PLCE1: variants seen among roughly 807,000 people sequenced by gnomAD.
The protein encoded by PLCE1 is 1-phosphatidylinositol 4,5-bisphosphate phosphodiesterase epsilon-1.
Under a neutral mutation model 242.8 loss-of-function variants are expected in PLCE1, and 119 were observed. The ratio of observed to expected loss-of-function variants is 0.49; its 90% CI spans 0.42 to 0.57. PLCE1 has a LOEUF of 0.57. Among genes scored for constraint, PLCE1 ranks in the 20% least tolerant of loss-of-function variants. The probability of loss-of-function intolerance (pLI) is 0.00; values close to 1 mark genes in which losing one functional copy is unlikely to be tolerated. For synonymous variants in PLCE1, 945 were observed against 1,017.4 expected (o/e 0.93, Z 1.35); for missense variants, 2,441 against 2,788.8 (o/e 0.88, Z 2.81).
At chr10:94,213,993 G>C (rs2049430509) in intron 4 of PLCE1, among the ~76,000 whole-genome samples, 1 of 152,152 alleles carries the variant, frequency 6.6e-6, no homozygotes, top group Non-Finnish European at 1.5e-5. Flanking sequence ...TTATGAGCGA[G>C]GAAATAAGAG....
At chr10:94,150,403 A>C (rs921591815) in intron 3 of PLCE1, among the ~76,000 whole-genome samples, 1 of 152,200 alleles carries the variant, frequency 6.6e-6, no homozygotes, top group Non-Finnish European at 1.5e-5. Context: ...GCCTCAGTCT[A>C]TAAGCCCAAG....
At chr10:94,217,071 G>A (rs2049553794) in intron 4 of PLCE1, among the ~76,000 whole-genome samples, 1 of 150,822 alleles carries the variant, frequency 6.6e-6, no homozygotes, top group Non-Finnish European at 1.5e-5. Context: ...ATGGAAGGCA[G>A]TAGCATGGTA....
chr10:94,195,377 CCTAAA>C (rs1220099811), intron 4 of PLCE1, among the ~76,000 whole-genome samples: 7 of 152,152 alleles, frequency 4.6e-5, no homozygotes, highest in Non-Finnish European at 1.0e-4. Context: ...GGACTAAGTG[CCTAAA>C]CCCTGGAGAG....
chr10:94,251,307 T>G (rs1422277064), intron 8 of PLCE1, among the ~76,000 whole-genome samples: 1 of 152,168 alleles, frequency 6.6e-6, no homozygotes, highest in African/African-American at 2.4e-5. Flanking sequence ...GCACAAGTCA[T>G]AACATCAGAT....
At chr10:94,043,798 T>C (rs1033662533) in intron 2 of PLCE1, among the ~76,000 whole-genome samples, 3 of 152,188 alleles carry the variant, frequency 2.0e-5, no homozygotes, top group African/African-American at 7.2e-5. Context: ...ATGGGCAGTG[T>C]AATGATGGTA....
intron 2 of PLCE1, among the ~76,000 whole-genome samples, chr10:94,066,210 G>T (rs1452288611): frequency 6.6e-6 from 1 of 152,104 alleles, no homozygotes; most frequent in Non-Finnish European, 1.5e-5. Context: ...GGGTGAATGG[G>T]CCCCTCTGAT....
chr10:94,066,640 T>A (rs1380730563), intron 2 of PLCE1, among the ~76,000 whole-genome samples: 2 of 152,192 alleles, frequency 1.3e-5, no homozygotes, highest in African/African-American at 4.8e-5. Context: ...ACTATTCCCA[T>A]GCTTGCGTGT....
intron 11 of PLCE1, among the ~76,000 whole-genome samples, chr10:94,258,222 T>A (rs548203743): frequency 6.6e-6 from 1 of 152,230 alleles, no homozygotes; most frequent in East Asian, 1.9e-4. Context: ...ACCTCAGCCT[T>A]CCAAAGTGCT....
At chr10:94,181,814 A>G (rs1321817899) in intron 4 of PLCE1, among the ~76,000 whole-genome samples, 1 of 126,642 alleles carries the variant, frequency 7.9e-6, no homozygotes, top group African/African-American at 4.3e-5. Flanking sequence ...GCTACTGGGG[A>G]GGCTGAGGTG....
chr10:94,150,543 T>C (rs547924774), intron 3 of PLCE1, among the ~76,000 whole-genome samples: 1 of 152,292 alleles, frequency 6.6e-6, no homozygotes, highest in East Asian at 1.9e-4. Context: ...TACTTTACCT[T>C]TGAGGAGTTT....
chr10:94,097,296 A>G (rs1462041391), intron 2 of PLCE1, among the ~76,000 whole-genome samples: 3 of 152,210 alleles, frequency 2.0e-5, no homozygotes, highest in African/African-American at 7.2e-5. Context: ...TTTGGTCATC[A>G]TGCACTGGAG....
intron 15 of PLCE1, 32 bp downstream of exon 15, chr10:94,265,740 T>C (rs1176869307): frequency 2.5e-6 from 4 of 1,613,462 alleles, no homozygotes; most frequent in African/African-American, 2.7e-5. Flanking sequence ...GCCCATCTTT[T>C]AAGAGTAGAT....
intron 4 of PLCE1, among the ~76,000 whole-genome samples, chr10:94,213,305 A>C (rs1452323641): frequency 2.6e-5 from 4 of 152,224 alleles, no homozygotes; most frequent in Non-Finnish European, 1.5e-5. Context: ...CTTTTCAAAA[A>C]GCAAGAAAGA....
chr10:94,223,022 C>A (rs889710691), intron 4 of PLCE1, among the ~76,000 whole-genome samples: 2 of 151,888 alleles, frequency 1.3e-5, no homozygotes, highest in African/African-American at 2.4e-5. Flanking sequence ...CAGTGTGGAG[C>A]CTTCTGAAAC....
At chr10:94,236,941 AT>A (rs1250142603) in intron 7 of PLCE1, among the ~76,000 whole-genome samples, 1 of 152,180 alleles carries the variant, frequency 6.6e-6, no homozygotes, top group Non-Finnish European at 1.5e-5. Flanking sequence ...ACTATGAATA[AT>A]TGAGGATATT....
At chr10:94,145,079 G>T (rs1323694902) in intron 3 of PLCE1, among the ~76,000 whole-genome samples, 1 of 152,236 alleles carries the variant, frequency 6.6e-6, no homozygotes, top group Non-Finnish European at 1.5e-5. Flanking sequence ...TCAAAATAAA[G>T]TAGGGATGCC....
At chr10:94,180,940 T>C (rs1270622562) in intron 4 of PLCE1, among the ~76,000 whole-genome samples, 3 of 152,218 alleles carry the variant, frequency 2.0e-5, no homozygotes, top group Non-Finnish European at 4.4e-5. Context: ...TTCCACTCTT[T>C]ATACATTACA....
chr10:94,285,609 T>C (rs1213380336), intron 22 of PLCE1, among the ~76,000 whole-genome samples: 1 of 152,204 alleles, frequency 6.6e-6, no homozygotes, highest in Non-Finnish European at 1.5e-5. Flanking sequence ...AGGCCAGCAC[T>C]ACATGCTTCC....
intron 1 of PLCE1, among the ~76,000 whole-genome samples, chr10:93,999,268 TC>T (rs2060887798): frequency 6.6e-6 from 1 of 152,196 alleles, no homozygotes. Context: ...ACTTGTTTAA[TC>T]CCCACAACCC....
Sources: allele counts gnomAD v4.1 joint callset (sites outside exome capture counted in the v4.1 genomes callset), GRCh38; gene constraint gnomAD v4.1.1; transcripts MANE v1.5; gene names NCBI Gene and HGNC (gene_info 2026-07-23, HGNC 2026-07-21).